Variants in DGKI observed in about 807,000 individuals in gnomAD.
The protein encoded by DGKI is diacylglycerol kinase iota, also known as DAG kinase iota.
A neutral mutation model predicts 147.5 loss-of-function variants in DGKI; 55 were observed. The observed-to-expected ratio is 0.37, with a 90% confidence interval of 0.30 to 0.47. The LOEUF is 0.47. Ranked by LOEUF, DGKI falls within the 20% of genes least tolerant of loss-of-function variation. The pLI is 1.00. For synonymous variants in DGKI, 469 were observed against 477.1 expected (o/e 0.98, Z 0.22); for missense variants, 1,007 against 1,323.8 (o/e 0.76, Z 3.71).
chr7:137,549,172 G>A (rs1318551130), intron 20 of DGKI, among the ~76,000 whole-genome samples: 1 of 152,114 alleles, frequency 6.6e-6, no homozygotes, highest in African/African-American at 2.4e-5. Context: ...GAAAAGTCAA[G>A]GAAATAAAGT....
chr7:137,608,681 G>A (rs1441785864), intron 10 of DGKI, among the ~76,000 whole-genome samples: 2 of 152,130 alleles, frequency 1.3e-5, no homozygotes, highest in Admixed American at 6.5e-5. Flanking sequence ...AGAAATTCTA[G>A]AATATCCTTT....
chr7:137,639,521 C>T (rs902983245), intron 6 of DGKI, among the ~76,000 whole-genome samples: 1 of 152,106 alleles, frequency 6.6e-6, no homozygotes, highest in African/African-American at 2.4e-5. Context: ...GTACCTGGGA[C>T]CTGAACACCA....
Position 137,731,075 on chromosome 7 carries a change from A to G in DGKI, c.402-41073T>C, listed in dbSNP as rs73462603. 4.2e-3 allele frequency among the ~76,000 whole-genome samples: 639 copies of G among 152,118 alleles called. 3 individuals carry two copies. The highest frequency in any genetic ancestry group is 0.015 in the African/African-American group (615 of 41,526). Reference sequence around the variant, plus strand: ...CCTCCTGCTATTCCTTTTACTTGTCAAGCAATTCCCTACCACGGGGCCTTC... The same window carrying G: ...CCTCCTGCTATTCCTTTTACTTGTCGAGCAATTCCCTACCACGGGGCCTTC... On this transcript the variant is annotated intron_variant, in intron 1 of 32. Coordinates refer to ENST00000614521, the MANE Select transcript of DGKI (RefSeq NM_001321708.2).
chr7:137,717,134 T>C (rs1029983624), intron 1 of DGKI, among the ~76,000 whole-genome samples: 3 of 152,198 alleles, frequency 2.0e-5, no homozygotes, highest in Admixed American at 1.3e-4. Context: ...AGGTGGCCAA[T>C]AGTACTGGTT....
At chr7:137,445,379 G>A (rs1217073113) in intron 27 of DGKI, among the ~76,000 whole-genome samples, 1 of 152,142 alleles carries the variant, frequency 6.6e-6, no homozygotes, top group African/African-American at 2.4e-5. Context: ...AGATTTGGTG[G>A]AAAGAAAATT....
intron 12 of DGKI, among the ~76,000 whole-genome samples, chr7:137,593,521 T>C (rs891793271): frequency 1.4e-4 from 21 of 152,240 alleles, no homozygotes; most frequent in African/African-American, 5.1e-4. Context: ...TGTAACTATG[T>C]GACAGCCTCT....
chr7:137,811,382 TCTCACACA>T (rs1377085260), intron 1 of DGKI, among the ~76,000 whole-genome samples: 36 of 98,550 alleles, frequency 3.7e-4, no homozygotes, highest in East Asian at 2.0e-3. Flanking sequence ...TCTCTCTCTC[TCTCACACA>T]CACACACACA....
In DGKI at chr7:137,689,911, C is replaced by A; in HGVS notation, c.493G>T (p.Ala165Ser). 1 of 1,596,278 alleles carries A rather than the reference C, an allele frequency of 6.3e-7. No homozygotes were observed. Among genetic ancestry groups the A allele is most frequent in the Non-Finnish European group, 8.5e-7 (1 of 1,172,754 alleles). ...VANGPAKEPR[A>S]TLDWSENAVN... ...ACACCTACACTCCAGTCCAAAGTCG[C>A]TCTGGGCTCCTTGGCTGGACCATTT... Residue 165 changes from alanine (A) to serine (S), a missense_variant, in exon 2 of 33, where the codon GCG becomes TCG. Ala to Ser is a moderately conservative substitution (Grantham distance 99). Around this residue, in one of 5 missense-constraint regions of DGKI, gnomAD observed 259 missense variants for 362.5 expected, o/e 0.71. Transcript: ENST00000614521.
rs1324501198 is a variant in DGKI at position 137,514,010 on chromosome 7, A to G, written c.2248+7856T>C. On this transcript the variant is annotated intron_variant, in intron 21 of 32. Coordinates refer to ENST00000614521, the MANE Select transcript of DGKI (RefSeq NM_001321708.2). ...TGCCAGACGCTGGGGATGCTGGTACAAGTTGTGGGACTGCATGCTACTGTC... is the reference window on the plus strand; with the variant it reads ...TGCCAGACGCTGGGGATGCTGGTACGAGTTGTGGGACTGCATGCTACTGTC... 10 of 646,722 alleles carry G rather than the reference A, an allele frequency of 1.5e-5. No individual in the cohort carries two copies. The East Asian group carries it at 3.1e-4, about 20-fold the overall frequency. The allele number at this position is 646,722 out of a possible 1,614,324, so 40.1% of individuals were successfully genotyped here.
intron 17 of DGKI, among the ~76,000 whole-genome samples, chr7:137,573,826 C>T (rs773756212): frequency 8.5e-5 from 13 of 152,220 alleles, no homozygotes; most frequent in Non-Finnish European, 1.9e-4. Context: ...GATCTGCTAG[C>T]GCTTTCTGCA....
At chr7:137,529,543 G>A (rs577262965) in intron 20 of DGKI, among the ~76,000 whole-genome samples, 20 of 152,314 alleles carry the variant, frequency 1.3e-4, no homozygotes, top group African/African-American at 4.6e-4. Context: ...TATAGAACAA[G>A]CAAGCAGTGG....
chr7:137,646,837 T>A (rs983946951), intron 5 of DGKI, among the ~76,000 whole-genome samples: 1 of 152,166 alleles, frequency 6.6e-6, no homozygotes, highest in African/African-American at 2.4e-5. Flanking sequence ...AAAGGTTATA[T>A]ATCAAGGCAT....
At chr7:137,736,194 A>G (rs1300570554) in intron 1 of DGKI, among the ~76,000 whole-genome samples, 1 of 152,134 alleles carries the variant, frequency 6.6e-6, no homozygotes, top group African/African-American at 2.4e-5. Context: ...ATTTGGTTCC[A>G]ATCTCTTAAT....
chr7:137,803,869 C>A (rs1237852434), intron 1 of DGKI, among the ~76,000 whole-genome samples: 1 of 152,210 alleles, frequency 6.6e-6, no homozygotes, highest in Non-Finnish European at 1.5e-5. Context: ...GCCCAGGTCC[C>A]ATCCCTAACA....
intron 2 of DGKI, among the ~76,000 whole-genome samples, chr7:137,685,247 G>T (rs1823376465): frequency 6.6e-6 from 1 of 152,208 alleles, no homozygotes; most frequent in African/African-American, 2.4e-5. Flanking sequence ...ACCGAAGAAA[G>T]TTTGCCAATG....
intron 17 of DGKI, among the ~76,000 whole-genome samples, chr7:137,576,043 C>CTTTTTT (rs1386281275): frequency 0.15 from 19,860 of 134,566 alleles, 2,342 homozygotes; most frequent in African/African-American, 0.31. Context: ...TTTTCTTTTT[C>CTTTTTT]TTTTTTTTTT....
At chr7:137,835,534 C>CT (rs754442002) in intron 1 of DGKI, among the ~76,000 whole-genome samples, 3 of 152,176 alleles carry the variant, frequency 2.0e-5, no homozygotes, top group Non-Finnish European at 2.9e-5. Context: ...ATGGCTGCTG[C>CT]TTAGCAACTA....
At chr7:137,697,982 A>C (rs773297061) in intron 1 of DGKI, among the ~76,000 whole-genome samples, 11 of 151,630 alleles carry the variant, frequency 7.3e-5, no homozygotes, top group Non-Finnish European at 1.5e-4. Context: ...ATATATATAG[A>C]TATCTCTCCA....
At chr7:137,652,724 A>G (rs972707741) in intron 5 of DGKI, among the ~76,000 whole-genome samples, 2 of 152,008 alleles carry the variant, frequency 1.3e-5, no homozygotes, top group Non-Finnish European at 2.9e-5. Context: ...CTCCATCCCA[A>G]CCTACTCTCT....
Sources: allele counts gnomAD v4.1 joint callset (sites outside exome capture counted in the v4.1 genomes callset), GRCh38; gene constraint gnomAD v4.1.1; regional missense constraint gnomAD v4.1.1; transcripts MANE v1.5; gene names NCBI Gene and HGNC (gene_info 2026-07-23, HGNC 2026-07-21).